CNOT2: variants seen among roughly 807,000 people sequenced by gnomAD.
CNOT2 encodes the protein CC chemokine receptor 4-negative regulator of transcription 2.
CNOT2 carries 7 observed loss-of-function variants against 72.1 expected under a neutral mutation model. The observed-to-expected ratio is 0.10, with a 90% confidence interval of 0.06 to 0.18. The LOEUF (loss-of-function observed/expected upper bound fraction) is 0.18. CNOT2 is among the 10% of genes least tolerant of loss of function. CNOT2 has a pLI of 1.00. For synonymous variants in CNOT2, 196 were observed against 225.6 expected (o/e 0.87, Z 1.17); for missense variants, 345 against 660.3 (o/e 0.52, Z 5.23).
At chr12:70,322,682 G>T (rs1878483507) in intron 4 of CNOT2, 2 of 151,710 alleles carry the variant, frequency 1.3e-5, no homozygotes, top group African/African-American at 4.8e-5. Context: ...CAATGACATA[G>T]TCTCATGCTT....
chr12:70,277,659 C>A (rs551546760), intron 1 of CNOT2, among the ~76,000 whole-genome samples: 16 of 152,204 alleles, frequency 1.1e-4, no homozygotes, highest in African/African-American at 3.9e-4. Context: ...TGGGAATAAA[C>A]CTACACAGAA....
Position 70,337,530 on chromosome 12 carries a change from T to A in CNOT2, c.900+17T>A, listed in dbSNP as rs577293161. On this transcript the variant is annotated intron_variant, in intron 9 of 15. Coordinates refer to ENST00000229195, the MANE Select transcript of CNOT2 (RefSeq NM_014515.7). The stretch of plus-strand genomic sequence containing the variant: ...AGTAAATCTGTAAGTAACTGAGAAG[T>A]GTGTATGTGAGTGATGTAGTTTTTC... 1.9e-6 allele frequency: 3 copies of A among 1,608,688 alleles called. No individual in the cohort carries two copies. The highest frequency in any genetic ancestry group is 1.7e-5 in the Admixed American group (1 of 59,798).
At chr12:70,328,793 G>T (rs1282444912) in intron 4 of CNOT2, among the ~76,000 whole-genome samples, 3 of 150,674 alleles carry the variant, frequency 2.0e-5, no homozygotes, top group Non-Finnish European at 3.0e-5. Flanking sequence ...AAATACAGGG[G>T]CATTATATTT....
At chr12:70,305,069 C>T (rs1413556944) in intron 2 of CNOT2, among the ~76,000 whole-genome samples, 2 of 152,248 alleles carry the variant, frequency 1.3e-5, no homozygotes, top group Non-Finnish European at 2.9e-5. Flanking sequence ...TGCCATTCGT[C>T]ACCCCTTTCT....
chr12:70,276,792 A>G (rs990118270), intron 1 of CNOT2, among the ~76,000 whole-genome samples: 12 of 152,036 alleles, frequency 7.9e-5, no homozygotes, highest in Non-Finnish European at 1.8e-4. Context: ...ATTTTGTCAT[A>G]CAGCCTGACT....
chr12:70,301,991 T>C (rs888959643), intron 2 of CNOT2: 1 of 152,252 alleles, frequency 6.6e-6, no homozygotes, highest in East Asian at 1.9e-4. Flanking sequence ...CTCTAGATTT[T>C]CTAGTTTATT....
At chr12:70,351,758 AATG>A (rs1226337081) in intron 15 of CNOT2, among the ~76,000 whole-genome samples, 1 of 152,322 alleles carries the variant, frequency 6.6e-6, no homozygotes, top group East Asian at 1.9e-4. Context: ...ATTTCAGAAG[AATG>A]ATAACAAATT....
intron 2 of CNOT2, among the ~76,000 whole-genome samples, chr12:70,281,089 TTTTTTTTTTTC>T (rs2135815904): frequency 6.6e-6 from 1 of 151,986 alleles, no homozygotes; most frequent in Non-Finnish European, 1.5e-5. Flanking sequence ...TTTCCCTTTT[TTTTTTTTTTTC>T]TTTTTTTTTG....
chr12:70,323,355 A>G (rs1379603670), intron 4 of CNOT2: 2 of 151,706 alleles, frequency 1.3e-5, no homozygotes, highest in African/African-American at 4.8e-5. Context: ...TGCATGATGA[A>G]CAAGAAGCAG....
Position 70,305,685 on chromosome 12 carries a change from G to A in CNOT2, c.49-5210G>A, listed in dbSNP as rs192899963. On this transcript the variant is annotated intron_variant, in intron 2 of 15. Transcript: ENST00000229195. ...AGCTGAAACATAAGATTTGTGTTGGGTTCTAAGATAGTTAGTGCTGCAAAG... is the reference window on the plus strand; with the variant it reads ...AGCTGAAACATAAGATTTGTGTTGGATTCTAAGATAGTTAGTGCTGCAAAG... Among the ~76,000 whole-genome samples, 168 of 152,176 alleles carry A rather than the reference G, an allele frequency of 1.1e-3. 1 individual carries two copies. The highest frequency in any genetic ancestry group is 3.3e-3 in the African/African-American group (138 of 41,506).
chr12:70,305,875 T>TG (rs1410737556), intron 2 of CNOT2, among the ~76,000 whole-genome samples: 52 of 125,482 alleles, frequency 4.1e-4, no homozygotes, highest in African/African-American at 1.3e-3. Context: ...TGAAGTTTGT[T>TG]TTTTTTTTTT....
In CNOT2 at chr12:70,311,005, G is replaced by C; in HGVS notation, c.159G>C (p.Arg53=). Residue 53 remains arginine (R), a synonymous_variant, in exon 3 of 16, where the codon CGG becomes CGC. Transcript: ENST00000229195. ...YYSQSSMFPH[R]SEKDMLASPS... is the part of the protein sequence containing the mutation. ...GCCAGTCTTCTATGTTTCCACATCG[G>C]TCAGAAAAAGATGTAAGTTAATCAA... 1 of 1,598,670 alleles carries C rather than the reference G, an allele frequency of 6.3e-7. No individual in the cohort carries two copies. The highest frequency in any genetic ancestry group is 8.6e-7 in the Non-Finnish European group (1 of 1,167,034).
rs374594056 is a variant in CNOT2 at position 70,354,144 on chromosome 12, G to T, written c.*229G>T. On this transcript the variant is annotated 3_prime_UTR_variant, in exon 16 of 16. Coordinates refer to ENST00000229195, the MANE Select transcript of CNOT2 (RefSeq NM_014515.7). The stretch of plus-strand genomic sequence containing the variant: ...TTTGTTTTTCTCTAGTTTGAGCAGG[G>T]TCTGAATTTTTTCATTTATTTCCTT... 268 of 791,162 alleles carry T rather than the reference G, an allele frequency of 3.4e-4. 6 individuals are homozygous for T. In the South Asian group the frequency reaches 0.012, roughly 35 times the overall value. The allele number at this position is 791,162 out of a possible 1,614,324, so 49.0% of individuals were successfully genotyped here.
At chr12:70,347,752 C>G (rs1882377899) in intron 15 of CNOT2, 1 of 151,928 alleles carries the variant, frequency 6.6e-6, no homozygotes, top group Admixed American at 6.6e-5. Flanking sequence ...CTTCTCAGAC[C>G]AAGTCCACAT....
rs1473549252 is a variant in CNOT2, at chr12:70,283,924, ATGTAAATTTT to A, written c.48+5652_48+5661del. ...CAACGGAAGTCACTTTGACTTCATG[ATGTAAATTTT>A]TTTTTTTTTTTTTTTTTTTGAGATG... On this transcript the variant is annotated intron_variant, in intron 2 of 15. Transcript: ENST00000229195. Among the ~76,000 whole-genome samples, 4 of 145,714 alleles carry A rather than the reference ATGTAAATTTT, an allele frequency of 2.7e-5. No homozygotes were observed. The South Asian group carries it at 8.7e-4, about 32-fold the overall frequency.
At chr12:70,340,038 G>A (rs547885109) in intron 11 of CNOT2, among the ~76,000 whole-genome samples, 10 of 152,056 alleles carry the variant, frequency 6.6e-5, no homozygotes, top group Admixed American at 1.3e-4. Context: ...AACCTCCTCC[G>A]TAAGTTACTT....
At chr12:70,302,534 G>A (rs1281578566) in intron 2 of CNOT2, among the ~76,000 whole-genome samples, 1 of 152,182 alleles carries the variant, frequency 6.6e-6, no homozygotes, top group East Asian at 1.9e-4. Flanking sequence ...TTTTGAGTGA[G>A]TTTCTTAATC....
At chr12:70,289,838 T>C (rs1047065658) in intron 2 of CNOT2, among the ~76,000 whole-genome samples, 7 of 152,112 alleles carry the variant, frequency 4.6e-5, no homozygotes, top group Non-Finnish European at 8.8e-5. Flanking sequence ...GGTTTTTTTT[T>C]CCTCCTCATT....
At chr12:70,293,451 G>T (rs1330499008) in intron 2 of CNOT2, among the ~76,000 whole-genome samples, 1 of 152,154 alleles carries the variant, frequency 6.6e-6, no homozygotes. Context: ...GAGCCACTGT[G>T]TCTGGCCTGG....
Sources: allele counts gnomAD v4.1 joint callset (sites outside exome capture counted in the v4.1 genomes callset), GRCh38; gene constraint gnomAD v4.1.1; transcripts MANE v1.5; gene names NCBI Gene and HGNC (gene_info 2026-07-23, HGNC 2026-07-21).